The following CDKAL1 variants were observed in gnomAD, a reference collection of about 807,000 sequenced individuals.
CDKAL1 encodes threonylcarbamoyladenosine tRNA methylthiotransferase.
Under a neutral mutation model 68.2 loss-of-function variants are expected in CDKAL1, and 32 were observed. That is an observed-to-expected ratio of 0.47 (90% CI 0.35 to 0.63). The LOEUF (loss-of-function observed/expected upper bound fraction) is 0.63. Ranked by LOEUF, CDKAL1 falls within the 30% of genes least tolerant of loss-of-function variation. The probability of loss-of-function intolerance (pLI) is 0.00; values close to 1 mark genes in which losing one functional copy is unlikely to be tolerated. For synonymous variants in CDKAL1, 234 were observed against 244.3 expected, an observed-to-expected ratio of 0.96 and a Z score of 0.39; for missense variants, 606 against 696.7, an observed-to-expected ratio of 0.87 and a Z score of 1.47.
chr6:20,846,116 G>A lies in CDKAL1; in HGVS notation c.680G>A (p.Arg227Lys). Reference sequence around the variant, plus strand: ...ACCTACTGCAAAACTAAACACGCCAGAGGAAATTTGGCCAGTTATCCAATT... The same window carrying A: ...ACCTACTGCAAAACTAAACACGCCAAAGGAAATTTGGCCAGTTATCCAATT... Reference protein sequence around the residue: ...ACTYCKTKHARGNLASYPIDE... With the variant: ...ACTYCKTKHAKGNLASYPIDE... Residue 227 changes from arginine (R) to lysine (K), a missense_variant, in exon 9 of 16, where the codon AGA becomes AAA. Coordinates refer to ENST00000274695, the MANE Select transcript of CDKAL1 (RefSeq NM_017774.3). The A allele has an allele frequency of 6.2e-7, 1 of 1,613,404 alleles. No individual in the cohort carries two copies. Among genetic ancestry groups the A allele is most frequent in the Non-Finnish European group, 8.5e-7 (1 of 1,179,566 alleles).
At chr6:21,143,184 A>C (rs761787338) in intron 13 of CDKAL1, among the ~76,000 whole-genome samples, 2 of 152,226 alleles carry the variant, frequency 1.3e-5, no homozygotes, top group Non-Finnish European at 2.9e-5. Context: ...TTAGAAGCTA[A>C]AAACACAATT....
intron 5 of CDKAL1, among the ~76,000 whole-genome samples, chr6:20,734,005 C>G (rs1561728504): frequency 6.6e-6 from 1 of 151,710 alleles, no homozygotes; most frequent in East Asian, 1.9e-4. Flanking sequence ...AAAAATTTGC[C>G]AGGTGTGGTG....
At chr6:21,102,237 T>C (rs1562032464) in intron 12 of CDKAL1, among the ~76,000 whole-genome samples, 1 of 152,198 alleles carries the variant, frequency 6.6e-6, no homozygotes, top group Non-Finnish European at 1.5e-5. Flanking sequence ...ACCGTGCTTT[T>C]ATCAAACACT....
chr6:21,161,759 A>G (rs944831281), intron 13 of CDKAL1, among the ~76,000 whole-genome samples: 2 of 152,222 alleles, frequency 1.3e-5, no homozygotes, highest in Non-Finnish European at 2.9e-5. Context: ...GTAATTAAGC[A>G]GACATAATAT....
intron 11 of CDKAL1, among the ~76,000 whole-genome samples, chr6:21,040,145 G>C (rs139916353): frequency 6.6e-6 from 1 of 152,064 alleles, no homozygotes; most frequent in Non-Finnish European, 1.5e-5. Context: ...GTGGATAGAC[G>C]GAGATGTAAT....
chr6:20,765,926 T>TA (rs199845497), intron 7 of CDKAL1, among the ~76,000 whole-genome samples: 11,302 of 152,256 alleles, frequency 0.074, 543 homozygotes, highest in Non-Finnish European at 0.11. Flanking sequence ...TAATAGATGC[T>TA]CTAGAAAAAG....
chr6:20,710,186 A>T (rs1771783630), intron 5 of CDKAL1, among the ~76,000 whole-genome samples: 1 of 152,152 alleles, frequency 6.6e-6, no homozygotes, highest in African/African-American at 2.4e-5. Flanking sequence ...GCATTTAAAT[A>T]AAAAAAGTAA....
chr6:20,624,287 A>C (rs769885622), intron 4 of CDKAL1, among the ~76,000 whole-genome samples: 4 of 152,000 alleles, frequency 2.6e-5, no homozygotes, highest in Non-Finnish European at 5.9e-5. Flanking sequence ...TAGAACTGAG[A>C]CCCATGTAGA....
At chr6:20,987,184 C>T (rs1469038876) in intron 10 of CDKAL1, among the ~76,000 whole-genome samples, 1 of 151,832 alleles carries the variant, frequency 6.6e-6, no homozygotes, top group Non-Finnish European at 1.5e-5. Flanking sequence ...TACCTATGTA[C>T]AGTGGCCTTG....
chr6:21,023,769 T>TA (rs1286627294), intron 11 of CDKAL1, among the ~76,000 whole-genome samples: 3 of 152,206 alleles, frequency 2.0e-5, no homozygotes, highest in African/African-American at 7.2e-5. Flanking sequence ...ATAGAAACAA[T>TA]AAACAGAATG....
chr6:20,863,905 T>A (rs1759772433), intron 9 of CDKAL1, among the ~76,000 whole-genome samples: 1 of 152,240 alleles, frequency 6.6e-6, no homozygotes, highest in South Asian at 2.1e-4. Context: ...TGGTTACATC[T>A]GTGCTTTTCA....
chr6:20,541,822 G>T lies in CDKAL1; in HGVS notation c.-5-4524G>T, dbSNP rs139636686. Among the ~76,000 whole-genome samples, 50 of 152,244 alleles carry T rather than the reference G, an allele frequency of 3.3e-4. 3 individuals are homozygous for T. The highest frequency in any genetic ancestry group is 1.1e-3 in the African/African-American group (47 of 41,548). ...ATTACAGGCATGTGCCACCACGCCC[G>T]GCTAATTTTGTATTTTTAGTAGAGA... is the stretch of plus-strand genomic sequence containing the variant. On this transcript the variant is annotated intron_variant, in intron 2 of 15. Coordinates refer to ENST00000274695, the MANE Select transcript of CDKAL1 (RefSeq NM_017774.3).
chr6:21,206,291 T>G (rs537064530), intron 15 of CDKAL1, among the ~76,000 whole-genome samples: 28 of 152,158 alleles, frequency 1.8e-4, no homozygotes, highest in African/African-American at 6.7e-4. Context: ...GGGAAAAAAA[T>G]GAGAAAATGG....
At chr6:20,557,223 C>T (rs1764091955) in intron 4 of CDKAL1, among the ~76,000 whole-genome samples, 2 of 151,706 alleles carry the variant, frequency 1.3e-5, no homozygotes, top group Non-Finnish European at 2.9e-5. Context: ...AAATGTAACC[C>T]AGGGTTTTCT....
intron 4 of CDKAL1, among the ~76,000 whole-genome samples, chr6:20,616,425 C>T (rs1173632434): frequency 1.4e-4 from 20 of 142,898 alleles, no homozygotes; most frequent in African/African-American, 4.7e-4. Context: ...ATGGAATGTT[C>T]TTCCATTTGT....
chr6:20,766,255 T>A (rs1434089733), intron 7 of CDKAL1, among the ~76,000 whole-genome samples: 1 of 152,228 alleles, frequency 6.6e-6, no homozygotes, highest in African/African-American at 2.4e-5. Flanking sequence ...TTTATTTATA[T>A]GAGGACTTGG....
intron 9 of CDKAL1, among the ~76,000 whole-genome samples, chr6:20,918,358 A>C (rs1762809193): frequency 6.6e-6 from 1 of 152,212 alleles, no homozygotes; most frequent in Non-Finnish European, 1.5e-5. Flanking sequence ...CAACTATCAC[A>C]AACTTTACCT....
At position 20,682,069 on chromosome 6, in the gene CDKAL1, G is replaced by A. The variant is rs78972027; in HGVS notation, c.371+32692G>A. ...TAAGGGCACTATCTCATTAATGAGG[G>A]TCCCACCCTCATGACCTAATCACCT... is the stretch of plus-strand genomic sequence containing the variant. On this transcript the variant is annotated intron_variant, in intron 5 of 15. Coordinates refer to ENST00000274695, the MANE Select transcript of CDKAL1 (RefSeq NM_017774.3). 3.8e-3 allele frequency among the ~76,000 whole-genome samples: 572 copies of A among 152,224 alleles called. 3 individuals are homozygous for A. Among genetic ancestry groups the A allele is most frequent in the Admixed American group, 7.6e-3 (116 of 15,308 alleles).
At chr6:21,173,329 G>A (rs1453982186) in intron 13 of CDKAL1, among the ~76,000 whole-genome samples, 7 of 151,950 alleles carry the variant, frequency 4.6e-5, no homozygotes, top group African/African-American at 1.2e-4. Context: ...TCTTCCATGC[G>A]TAATGGTCTG....
Sources: allele counts gnomAD v4.1 joint callset (sites outside exome capture counted in the v4.1 genomes callset), GRCh38; gene constraint gnomAD v4.1.1; transcripts MANE v1.5; gene names NCBI Gene and HGNC (gene_info 2026-07-23, HGNC 2026-07-21).